The following FAM185A variants were observed in gnomAD, a reference collection of about 807,000 sequenced individuals.
The protein encoded by FAM185A is protein FAM185A.
In FAM185A, 21 loss-of-function variants were observed where a neutral mutation model predicts 45.7. That is an observed-to-expected ratio of 0.46 (90% CI 0.33 to 0.66). FAM185A has a LOEUF of 0.66. Ranked by LOEUF, FAM185A falls within the 30% of genes least tolerant of loss-of-function variation. The probability of loss-of-function intolerance (pLI) is 0.03; values close to 1 mark genes in which losing one functional copy is unlikely to be tolerated. For synonymous variants in FAM185A, 117 were observed against 194.0 expected, an observed-to-expected ratio of 0.60 and a Z score of 3.30; for missense variants, 305 against 485.4, an observed-to-expected ratio of 0.63 and a Z score of 3.49.
chr7:102,813,452 C>T (rs1797577440), downstream of FAM185A: 1 of 1,614,176 alleles, frequency 6.2e-7, no homozygotes, highest in Middle Eastern at 1.6e-4. Flanking sequence ...CCTTCCCTAT[C>T]ATAGCCAAAC....
chr7:102,795,758 T>A (rs1389952158), intron 7 of FAM185A, among the ~76,000 whole-genome samples: 1 of 151,312 alleles, frequency 6.6e-6, no homozygotes, highest in African/African-American at 2.4e-5. Flanking sequence ...CATTTAGTAG[T>A]GGGAAACAAT....
chr7:102,787,983 GAGAC>G lies in FAM185A; in HGVS notation c.1066+518_1066+521del, dbSNP rs532980403. ...TCATTGGTTGGTTTTTTTGTTGTTTGAGACAGAGTCTTACTCTATTGCCCATACT... is the reference window on the plus strand; with the variant it reads ...TCATTGGTTGGTTTTTTTGTTGTTTGAGAGTCTTACTCTATTGCCCATACT... On this transcript the variant is annotated intron_variant, in intron 7 of 7. Transcript: ENST00000413034. Among the ~76,000 whole-genome samples the G allele has an allele frequency of 7.1e-3, 1,075 of 152,130 alleles. 9 individuals carry two copies. Among genetic ancestry groups the G allele is most frequent in the African/African-American group, 0.024 (1,013 of 41,488 alleles).
At chr7:102,780,758 A>G (rs944656225) in intron 6 of FAM185A, among the ~76,000 whole-genome samples, 1 of 152,190 alleles carries the variant, frequency 6.6e-6, no homozygotes, top group African/African-American at 2.4e-5. Flanking sequence ...GGTGATTTTT[A>G]CATTTCCCAC....
At chr7:102,816,658 G>C in the FAM185A span, among the ~76,000 whole-genome samples, 1 of 152,152 alleles carries the variant, frequency 6.6e-6, no homozygotes, top group Non-Finnish European at 1.5e-5. Flanking sequence ...GTGCAGGTTT[G>C]TTATGTGGGT....
chr7:102,827,222 C>T, the FAM185A span: 2 of 442,718 alleles, frequency 4.5e-6, no homozygotes, highest in South Asian at 3.1e-5. Context: ...GAGGATGAGA[C>T]CGCATGAAGC....
the FAM185A span, among the ~76,000 whole-genome samples, chr7:102,828,436 C>G: frequency 6.6e-6 from 1 of 152,136 alleles, no homozygotes; most frequent in Non-Finnish European, 1.5e-5. Flanking sequence ...GAAAGAATTT[C>G]CAAACATGTT....
the FAM185A span, among the ~76,000 whole-genome samples, chr7:102,846,894 T>C: frequency 6.6e-6 from 1 of 152,176 alleles, no homozygotes; most frequent in Non-Finnish European, 1.5e-5. Context: ...TCACTGACGG[T>C]GGCTGTCTGC....
intron 7 of FAM185A, among the ~76,000 whole-genome samples, chr7:102,801,821 A>G (rs1479034366): frequency 1.3e-5 from 2 of 151,934 alleles, no homozygotes; most frequent in East Asian, 3.9e-4. Context: ...GCTACTCGGG[A>G]GGCTGAGGCA....
At chr7:102,771,837 CAT>C (rs1197691862) in intron 4 of FAM185A, among the ~76,000 whole-genome samples, 2 of 152,144 alleles carry the variant, frequency 1.3e-5, no homozygotes, top group African/African-American at 2.4e-5. Context: ...TCATGGAAAA[CAT>C]ATTTTCACTA....
the FAM185A span, among the ~76,000 whole-genome samples, chr7:102,841,252 T>G: frequency 1.6e-4 from 25 of 152,076 alleles, no homozygotes; most frequent in Non-Finnish European, 2.4e-4. Flanking sequence ...TCTGACAGTT[T>G]TTTTTTTTTT....
chr7:102,808,381 G>C lies in FAM185A; in HGVS notation c.1158G>C (p.Gln386His). Residue 386 changes from glutamine to histidine, a missense_variant, in exon 8 of 8, where the codon CAG becomes CAC. Gln to His is a conservative substitution (Grantham distance 24, BLOSUM62 0). Around this residue, in one of 5 missense-constraint regions of FAM185A, gnomAD observed 66 missense variants for 74.6 expected, o/e 0.89. Transcript: ENST00000413034. ...TVSFRRQSWF[Q>H]SLKLQD ...GTTTTAGAAGGCAAAGTTGGTTTCA[G>C]TCCCTGAAACTGCAGGACTAAAACT... 1.3e-6 allele frequency: 2 copies of C among 1,549,814 alleles called. No individual in the cohort carries two copies. Among genetic ancestry groups the C allele is most frequent in the Non-Finnish European group, 1.7e-6 (2 of 1,145,260 alleles).
At chr7:102,829,163 T>C in the FAM185A span, among the ~76,000 whole-genome samples, 1 of 152,160 alleles carries the variant, frequency 6.6e-6, no homozygotes, top group African/African-American at 2.4e-5. Context: ...AAGTGGAACA[T>C]TTACAGTTGA....
At chr7:102,771,024 G>A (rs59259913) in intron 4 of FAM185A, among the ~76,000 whole-genome samples, 15,898 of 151,890 alleles carry the variant, frequency 0.1, 788 homozygotes, top group East Asian at 0.23. Flanking sequence ...AATACTATGC[G>A]GCCATAAAGA....
intron 6 of FAM185A, among the ~76,000 whole-genome samples, chr7:102,783,313 A>G (rs913511637): frequency 6.6e-6 from 1 of 152,218 alleles, no homozygotes; most frequent in African/African-American, 2.4e-5. Flanking sequence ...ATAGACATCT[A>G]CAGAACTCTC....
At chr7:102,786,117 A>C (rs1214260732) in intron 6 of FAM185A, among the ~76,000 whole-genome samples, 2 of 152,190 alleles carry the variant, frequency 1.3e-5, no homozygotes, top group South Asian at 4.1e-4. Context: ...AATGCAAATC[A>C]AAACCACAAT....
intron 2 of FAM185A, among the ~76,000 whole-genome samples, chr7:102,752,956 T>C (rs1423093003): frequency 6.6e-6 from 1 of 151,470 alleles, no homozygotes; most frequent in Non-Finnish European, 1.5e-5. Flanking sequence ...TAGAATAATT[T>C]GATGCATTTT....
intron 3 of FAM185A, among the ~76,000 whole-genome samples, chr7:102,758,555 G>C (rs1474333229): frequency 6.7e-6 from 1 of 148,594 alleles, no homozygotes; most frequent in African/African-American, 2.5e-5. Flanking sequence ...ATAGTATTAA[G>C]AGTAAAGGTA....
intron 7 of FAM185A, among the ~76,000 whole-genome samples, chr7:102,801,124 G>A (rs552491435): frequency 1.2e-4 from 19 of 152,204 alleles, no homozygotes; most frequent in South Asian, 4.2e-4. Flanking sequence ...TGTATCCAGC[G>A]AAACTAGGCA....
chr7:102,786,451 T>C (rs1795802646), intron 6 of FAM185A, among the ~76,000 whole-genome samples: 1 of 152,140 alleles, frequency 6.6e-6, no homozygotes. Context: ...AATGACAGAC[T>C]GGATTAAGAA....
Sources: gnomAD v4.1 joint callset for allele counts (sites outside exome capture counted in the v4.1 genomes callset) on GRCh38, gnomAD v4.1.1 for gene constraint, gnomAD v4.1.1 regional missense constraint, MANE v1.5 for transcripts, NCBI Gene and HGNC (gene_info 2026-07-23, HGNC 2026-07-21) for gene names.